Variants in CRIM1 observed in about 807,000 individuals in gnomAD.
The protein encoded by CRIM1 is cysteine-rich motor neuron 1 protein.
A neutral mutation model predicts 116.4 loss-of-function variants in CRIM1; 32 were observed. The observed-to-expected ratio is 0.27, with a 90% confidence interval of 0.21 to 0.37. The LOEUF is 0.37. Among genes scored for constraint, CRIM1 ranks in the 10% least tolerant of loss-of-function variants. The pLI is 1.00. For missense variants in CRIM1, 1,331 were observed against 1,354.8 expected (o/e 0.98, Z 0.28); for synonymous variants, 590 against 509.2 (o/e 1.16, Z -2.13).
At chr2:36,409,013 G>GGA (rs1553376601) in intron 2 of CRIM1, among the ~76,000 whole-genome samples, 21 of 147,846 alleles carry the variant, frequency 1.4e-4, no homozygotes, top group African/African-American at 5.2e-4. Context: ...CCTCAGAGGG[G>GGA]AAAAAAAAAA....
intron 7 of CRIM1, among the ~76,000 whole-genome samples, chr2:36,487,842 C>T (rs1159222404): frequency 6.6e-6 from 1 of 152,058 alleles, no homozygotes; most frequent in Non-Finnish European, 1.5e-5. Context: ...TTTATGACTT[C>T]TAGGGATTAG....
At chr2:36,383,927 C>A (rs1439326182) in intron 1 of CRIM1, among the ~76,000 whole-genome samples, 1 of 152,176 alleles carries the variant, frequency 6.6e-6, no homozygotes, top group Non-Finnish European at 1.5e-5. Flanking sequence ...ATGTGCTGAG[C>A]CCTGTTCCAG....
chr2:36,536,155 G>A (rs962595903), intron 13 of CRIM1, among the ~76,000 whole-genome samples: 2 of 152,220 alleles, frequency 1.3e-5, no homozygotes, highest in Non-Finnish European at 2.9e-5. Flanking sequence ...CTGCCTCAGA[G>A]CACTCGCTGC....
intron 2 of CRIM1, among the ~76,000 whole-genome samples, chr2:36,409,600 G>T (rs1021518751): frequency 6.6e-6 from 1 of 152,200 alleles, no homozygotes; most frequent in Non-Finnish European, 1.5e-5. Context: ...GAGTTATAAT[G>T]AGGGTAGAGC....
In CRIM1 at chr2:36,419,821, T is replaced by C. The variant is rs541796380; in HGVS notation, c.506-21437T>C. ...GGCGATCTGCGCAGCACATCTGAAA[T>C]ACCTGGGATGTGGTTATATACAGTG... On this transcript the variant is annotated intron_variant, in intron 2 of 16. Coordinates refer to ENST00000280527, the MANE Select transcript of CRIM1 (RefSeq NM_016441.3). Among the ~76,000 whole-genome samples the C allele has an allele frequency of 2.1e-4, 32 of 152,362 alleles. No individual in the cohort carries two copies. The South Asian group carries it at 6.6e-3, about 32-fold the overall frequency.
intron 14 of CRIM1, 23 bp from the exon 15 acceptor site, chr2:36,544,353 G>A: frequency 2.3e-6 from 3 of 1,332,720 alleles, no homozygotes; most frequent in Non-Finnish European, 2.9e-6. Flanking sequence ...TCATCTCTTA[G>A]GAAAAATGTT....
At chr2:36,403,496 ACT>A (rs1672566305) in intron 2 of CRIM1, among the ~76,000 whole-genome samples, 1 of 152,182 alleles carries the variant, frequency 6.6e-6, no homozygotes, top group African/African-American at 2.4e-5. Flanking sequence ...ATTGGGTCCA[ACT>A]CTGAGAAATT....
In CRIM1 at chr2:36,474,947, A is replaced by G. The variant is rs920706879; in HGVS notation, c.992-1942A>G. On this transcript the variant is annotated intron_variant, in intron 5 of 16. Transcript: ENST00000280527. ...AGTTTATTCCTGAACTCTCAATTCC[A>G]TTGAACTATATATCTATCCCTGTGG... 4.7e-4 allele frequency among the ~76,000 whole-genome samples: 72 copies of G among 151,900 alleles called. 1 individual carries two copies. Among genetic ancestry groups the G allele is most frequent in the Admixed American group, 7.9e-4 (12 of 15,238 alleles).
chr2:36,445,689 G>A (rs1402415631), intron 4 of CRIM1, among the ~76,000 whole-genome samples: 1 of 152,062 alleles, frequency 6.6e-6, no homozygotes, highest in Non-Finnish European at 1.5e-5. Flanking sequence ...GCCTAGTTTA[G>A]CATATTCAGT....
intron 2 of CRIM1, among the ~76,000 whole-genome samples, chr2:36,411,662 TTGTGTGTG>T (rs58015078): frequency 6.7e-6 from 1 of 150,094 alleles, no homozygotes; most frequent in Non-Finnish European, 1.5e-5. Flanking sequence ...ATCTTATTCT[TTGTGTGTG>T]TGTGTGTGTG....
At chr2:36,370,806 T>C (rs1401199238) in intron 1 of CRIM1, among the ~76,000 whole-genome samples, 1 of 152,124 alleles carries the variant, frequency 6.6e-6, no homozygotes, top group Non-Finnish European at 1.5e-5. Flanking sequence ...AGGGGACATA[T>C]TTCATATGCA....
chr2:36,490,609 C>T (rs1323648561), intron 7 of CRIM1, among the ~76,000 whole-genome samples: 1 of 152,186 alleles, frequency 6.6e-6, no homozygotes, highest in Admixed American at 6.5e-5. Flanking sequence ...GTGGCCCAGC[C>T]TTTGATCCCG....
chr2:36,529,225 C>G (rs1174963856), intron 13 of CRIM1: 1 of 470,976 alleles, frequency 2.1e-6, no homozygotes, highest in Non-Finnish European at 4.4e-6. Context: ...GAGGGCCCAC[C>G]TGATAAGAAC....
intron 1 of CRIM1, among the ~76,000 whole-genome samples, chr2:36,357,115 C>T (rs1268550055): frequency 2.0e-5 from 3 of 152,218 alleles, no homozygotes; most frequent in African/African-American, 4.8e-5. Flanking sequence ...CTCGCACTCC[C>T]CGAGTGACTC....
chr2:36,357,693 G>A (rs1037254804), intron 1 of CRIM1, among the ~76,000 whole-genome samples: 1 of 152,314 alleles, frequency 6.6e-6, no homozygotes, highest in Admixed American at 6.5e-5. Context: ...GGCTGATGAT[G>A]CTGTTCCGGG....
chr2:36,430,283 T>C (rs1293424876), intron 2 of CRIM1, among the ~76,000 whole-genome samples: 1 of 152,106 alleles, frequency 6.6e-6, no homozygotes, highest in Non-Finnish European at 1.5e-5. Flanking sequence ...CTTTAATGGC[T>C]ATGAAGGGGG....
At position 36,452,761 on chromosome 2, in the gene CRIM1, G is replaced by C. The variant is rs1350932187; in HGVS notation, c.869+10026G>C. 3.9e-5 allele frequency among the ~76,000 whole-genome samples: 6 copies of C among 152,090 alleles called. No individual in the cohort carries two copies. The South Asian group carries it at 8.3e-4, about 21-fold the overall frequency. On this transcript the variant is annotated intron_variant, in intron 4 of 16. Transcript: ENST00000280527. Reference sequence around the variant, plus strand: ...TTTGTCTTAGTCCCGAAAACAAGCAGGGAAGGCTCTCAGTCAGTGGCTTCC... The same window carrying C: ...TTTGTCTTAGTCCCGAAAACAAGCACGGAAGGCTCTCAGTCAGTGGCTTCC...
At chr2:36,381,381 C>T (rs974159139) in intron 1 of CRIM1, among the ~76,000 whole-genome samples, 1 of 152,214 alleles carries the variant, frequency 6.6e-6, no homozygotes, top group Non-Finnish European at 1.5e-5. Context: ...CAGGTTTCCT[C>T]AGACCAGGCC....
chr2:36,484,500 C>T (rs1679671394), intron 7 of CRIM1, among the ~76,000 whole-genome samples: 2 of 152,042 alleles, frequency 1.3e-5, no homozygotes, highest in African/African-American at 4.8e-5. Context: ...CTATAACATC[C>T]CCGTGATTAC....
Sources: allele counts gnomAD v4.1 joint callset (sites outside exome capture counted in the v4.1 genomes callset), GRCh38; gene constraint gnomAD v4.1.1; transcripts MANE v1.5; gene names NCBI Gene and HGNC (gene_info 2026-07-23, HGNC 2026-07-21).